The following FRMD4A variants were observed in gnomAD, a reference collection of about 807,000 sequenced individuals.
FRMD4A encodes the protein FERM domain-containing protein 4A.
FRMD4A carries 29 observed loss-of-function variants against 129.1 expected under a neutral mutation model. The ratio of observed to expected loss-of-function variants is 0.22; its 90% CI spans 0.17 to 0.31. The LOEUF is 0.31. Among genes scored for constraint, FRMD4A ranks in the 10% least tolerant of loss-of-function variants. FRMD4A has a pLI of 1.00. For missense variants in FRMD4A, 1,272 were observed against 1,375.8 expected (o/e 0.92, Z 1.19); for synonymous variants, 634 against 571.6 (o/e 1.11, Z -1.56).
At chr10:13,807,892 G>A (rs959185567) in intron 4 of FRMD4A, among the ~76,000 whole-genome samples, 27 of 150,664 alleles carry the variant, frequency 1.8e-4, no homozygotes, top group African/African-American at 6.3e-4. Flanking sequence ...TCTGCCTCCC[G>A]GGTTCAAGCG....
At chr10:14,185,557 C>CTATT (rs1181409151) in intron 2 of FRMD4A, among the ~76,000 whole-genome samples, 1 of 152,136 alleles carries the variant, frequency 6.6e-6, no homozygotes, top group East Asian at 1.9e-4. Flanking sequence ...TAAAGCAAGA[C>CTATT]TATTTAAAGG....
At chr10:14,201,476 G>A (rs1199691150) in intron 2 of FRMD4A, among the ~76,000 whole-genome samples, 3 of 152,186 alleles carry the variant, frequency 2.0e-5, no homozygotes, top group African/African-American at 7.2e-5. Context: ...AACTTGGGGG[G>A]AAATAATACA....
chr10:13,948,573 A>G (rs1403288776), intron 2 of FRMD4A, among the ~76,000 whole-genome samples: 1 of 151,982 alleles, frequency 6.6e-6, no homozygotes, highest in Non-Finnish European at 1.5e-5. Flanking sequence ...TCTAGGGTAC[A>G]GCATGGGCAA....
chr10:13,969,539 C>T (rs1320267126), intron 2 of FRMD4A, among the ~76,000 whole-genome samples: 2 of 152,162 alleles, frequency 1.3e-5, no homozygotes, highest in Admixed American at 6.5e-5. Flanking sequence ...GGCTAGCCCA[C>T]CCTGCTTAGT....
At chr10:14,011,464 G>A (rs529506970) in intron 2 of FRMD4A, among the ~76,000 whole-genome samples, 20 of 152,270 alleles carry the variant, frequency 1.3e-4, no homozygotes, top group Admixed American at 7.8e-4. Flanking sequence ...AGACTCAGCC[G>A]CTGCTGAAGC....
chr10:13,714,974 G>A (rs1482939497), intron 12 of FRMD4A, among the ~76,000 whole-genome samples: 1 of 152,112 alleles, frequency 6.6e-6, no homozygotes, highest in Non-Finnish European at 1.5e-5. Flanking sequence ...AGGAGGCAGA[G>A]GTTGCAGTGA....
intron 2 of FRMD4A, among the ~76,000 whole-genome samples, chr10:14,107,496 A>C (rs1025210192): frequency 6.6e-6 from 1 of 152,186 alleles, no homozygotes; most frequent in Non-Finnish European, 1.5e-5. Flanking sequence ...TATTTATGCA[A>C]CATGTTTATA....
chr10:14,183,879 A>G (rs369996066), intron 2 of FRMD4A, among the ~76,000 whole-genome samples: 34 of 152,334 alleles, frequency 2.2e-4, no homozygotes, highest in African/African-American at 8.2e-4. Flanking sequence ...ACCTCAGCAT[A>G]ACCTAAGAAA....
At chr10:14,248,466 G>C (rs1020492508) in intron 2 of FRMD4A, among the ~76,000 whole-genome samples, 4 of 79,572 alleles carry the variant, frequency 5.0e-5, no homozygotes, top group African/African-American at 1.6e-4. Context: ...GCCAATTTTA[G>C]AGTCATTCAA....
intron 2 of FRMD4A, among the ~76,000 whole-genome samples, chr10:13,884,709 C>T (rs1248070881): frequency 6.6e-6 from 1 of 152,098 alleles, no homozygotes; most frequent in Non-Finnish European, 1.5e-5. Flanking sequence ...GTGATAGACC[C>T]TAATTCCTTT....
intron 2 of FRMD4A, among the ~76,000 whole-genome samples, chr10:14,059,328 AT>A (rs1353003889): frequency 6.6e-6 from 1 of 152,232 alleles, no homozygotes; most frequent in Non-Finnish European, 1.5e-5. Flanking sequence ...CCTGTATTGA[AT>A]CCCCAACCAC....
chr10:13,678,680 G>C (rs2084211727), intron 15 of FRMD4A, among the ~76,000 whole-genome samples: 2 of 152,238 alleles, frequency 1.3e-5, no homozygotes, highest in African/African-American at 2.4e-5. Context: ...GCTCAATGAA[G>C]TATCGGTCAA....
At chr10:13,841,038 G>T (rs184996433) in intron 3 of FRMD4A, among the ~76,000 whole-genome samples, 1 of 152,110 alleles carries the variant, frequency 6.6e-6, no homozygotes, top group Non-Finnish European at 1.5e-5. Flanking sequence ...AGCCCAGGAG[G>T]TTGAACCTGC....
At chr10:14,287,131 G>C (rs1261268055) in intron 2 of FRMD4A, among the ~76,000 whole-genome samples, 1 of 108,956 alleles carries the variant, frequency 9.2e-6, no homozygotes, top group African/African-American at 4.5e-5. Context: ...CTTGCTCTTT[G>C]ACAGGCCCCC....
intron 2 of FRMD4A, among the ~76,000 whole-genome samples, chr10:14,254,977 T>C (rs900886234): frequency 6.6e-6 from 1 of 152,132 alleles, no homozygotes; most frequent in African/African-American, 2.4e-5. Context: ...TCCAGACTGC[T>C]CAACTTCCTA....
chr10:14,209,082 TCCTCCCGGAATCCTTC>T (rs1842866294), intron 2 of FRMD4A, among the ~76,000 whole-genome samples: 1 of 152,044 alleles, frequency 6.6e-6, no homozygotes, highest in African/African-American at 2.4e-5. Context: ...GTTGAAGGAT[TCCTCCCGGAATCCTTC>T]CTTTTCTCTT....
At chr10:13,973,743 G>C (rs897165418) in intron 2 of FRMD4A, among the ~76,000 whole-genome samples, 1 of 151,490 alleles carries the variant, frequency 6.6e-6, no homozygotes, top group Non-Finnish European at 1.5e-5. Context: ...AGAAAGGAAG[G>C]AAGGGAAGAA....
chr10:13,818,671 C>T (rs1169025325), intron 3 of FRMD4A, among the ~76,000 whole-genome samples: 3 of 152,166 alleles, frequency 2.0e-5, no homozygotes, highest in African/African-American at 7.2e-5. Context: ...GCCTCAGTTT[C>T]CTCTCAGCTA....
At chr10:14,294,325 C>T (rs906570174) in intron 2 of FRMD4A, among the ~76,000 whole-genome samples, 1 of 152,128 alleles carries the variant, frequency 6.6e-6, no homozygotes, top group African/African-American at 2.4e-5. Context: ...TCTCACAGAC[C>T]AGAGGTCCAA....
Sources: gnomAD v4.1 joint callset for allele counts (sites outside exome capture counted in the v4.1 genomes callset) on GRCh38, gnomAD v4.1.1 for gene constraint, MANE v1.5 for transcripts, NCBI Gene and HGNC (gene_info 2026-07-23, HGNC 2026-07-21) for gene names.